The following MYBL1 variants were observed in gnomAD, a reference collection of about 807,000 sequenced individuals.
The protein encoded by MYBL1 is MYB proto-oncogene like 1, also known as myb-related protein A.
A neutral mutation model predicts 96.3 loss-of-function variants in MYBL1; 17 were observed. The observed-to-expected ratio is 0.18, with a 90% CI of 0.12 to 0.26. The LOEUF is 0.26. Ranked by LOEUF, MYBL1 falls within the 10% of genes least tolerant of loss-of-function variation. The pLI is 1.00. For synonymous variants in MYBL1, 282 were observed against 292.7 expected (o/e 0.96, Z 0.37); for missense variants, 701 against 882.9 (o/e 0.79, Z 2.61).
rs1193926942 is a variant in MYBL1 at position 66,563,801 on chromosome 8, T to G, written c.*896A>C. On this transcript the variant is annotated 3_prime_UTR_variant, in exon 16 of 16. Transcript: ENST00000522677. ...GTGCAACATTTAGGTAGATGTGACA[T>G]ACAGTATAGATATTGTATTCTTTGC... 1 of 152,530 alleles carries G rather than the reference T, an allele frequency of 6.6e-6. No homozygotes were observed. The highest frequency in any genetic ancestry group is 1.9e-4 in the East Asian group (1 of 5,206). 9.4% of individuals were successfully genotyped at this position (152,530 alleles called of 1,614,324 possible). A position where few individuals can be genotyped will look rare whatever the true frequency, so the allele number is the denominator to read the frequency against.
intron 6 of MYBL1, among the ~76,000 whole-genome samples, chr8:66,595,143 T>C (rs148702811): frequency 3.6e-4 from 55 of 152,304 alleles, no homozygotes; most frequent in African/African-American, 1.2e-3. Context: ...AAAAGCAAAG[T>C]TGAATGCCAG....
chr8:66,565,206 A>G (rs1355976715), intron 15 of MYBL1: 1 of 152,666 alleles, frequency 6.6e-6, no homozygotes, highest in Non-Finnish European at 1.5e-5. Flanking sequence ...AAAATGAGCC[A>G]AGAATGCTTT....
rs556719391 is a variant in MYBL1 at position 66,566,301 on chromosome 8, G to C, written c.1951-58C>G. 19 of 1,039,134 alleles carry C rather than the reference G, an allele frequency of 1.8e-5. No homozygotes were observed. In the African/African-American group the frequency reaches 2.2e-4, roughly 12 times the overall value. The allele number at this position is 1,039,134 out of a possible 1,614,324, so 64.4% of individuals were successfully genotyped here. ...AATTCAAAAATGGAGACAAATGGAG[G>C]GACTACTGAGTAAGTGGTAATGGAA... On this transcript the variant is annotated intron_variant, in intron 14 of 15. Coordinates refer to ENST00000522677, the MANE Select transcript of MYBL1 (RefSeq NM_001080416.4).
chr8:66,578,184 T>A (rs1245397535), intron 9 of MYBL1, among the ~76,000 whole-genome samples: 1 of 151,812 alleles, frequency 6.6e-6, no homozygotes, highest in African/African-American at 2.4e-5. Context: ...GGACTTCATG[T>A]CTAAAACACC....
At position 66,566,143 on chromosome 8, in the gene MYBL1, G is replaced by T; in HGVS notation, c.2051C>A (p.Thr684Asn). The T allele has an allele frequency of 6.5e-7, 1 of 1,542,150 alleles. No individual in the cohort carries two copies. The highest frequency in any genetic ancestry group is 8.8e-7 in the Non-Finnish European group (1 of 1,138,074). The change falls in exon 15 of 16, where the codon ACC becomes AAC. Residue 684 changes from threonine (T) to asparagine (N), a missense_variant. By Grantham distance (65) the Thr-to-Asn change is moderately conservative. Transcript: ENST00000522677. ...TTTAGTAAGTGTATATGTTTTGTTG[G>T]TTGAATTTATATCTTGTTTTTCAGG... ...LIPEKQDINS[T>N]NKTYTLTKKK...
At chr8:66,577,957 A>C (rs998985793) in intron 9 of MYBL1, among the ~76,000 whole-genome samples, 136 of 152,290 alleles carry the variant, frequency 8.9e-4, no homozygotes, top group Non-Finnish European at 1.5e-3. Flanking sequence ...TTTGACAAAC[A>C]TGAGAAAAAC....
intron 4 of MYBL1, among the ~76,000 whole-genome samples, chr8:66,598,598 G>C (rs1455968065): frequency 6.6e-6 from 1 of 152,082 alleles, no homozygotes; most frequent in Non-Finnish European, 1.5e-5. Context: ...AAAACCTTTG[G>C]AAACATGATG....
intron 1 of MYBL1, among the ~76,000 whole-genome samples, 198 bp from the exon 2 acceptor site, chr8:66,602,721 ATATATATATATATTTT>A (rs1810135467): frequency 2.4e-5 from 1 of 42,550 alleles, no homozygotes; most frequent in African/African-American, 1.2e-4. Flanking sequence ...ATATATATAT[ATATATATATATATTTT>A]TTTTTTTTTT....
At chr8:66,599,225 G>C (rs1809970761) in intron 3 of MYBL1, 83 bp from the exon 4 acceptor site, 1 of 789,014 alleles carries the variant, frequency 1.3e-6, no homozygotes. Context: ...CACATCCTTA[G>C]AACAAAGACT....
chr8:66,612,761 A>G, intron 1 of MYBL1, 58 bp downstream of exon 1: 1 of 1,341,988 alleles, frequency 7.5e-7, no homozygotes, highest in Middle Eastern at 2.0e-4. Flanking sequence ...GCGGGATAGG[A>G]AAGAGAATCT....
chr8:66,603,417 T>G (rs539059970), intron 1 of MYBL1, among the ~76,000 whole-genome samples: 1 of 149,900 alleles, frequency 6.7e-6, no homozygotes, highest in Non-Finnish European at 1.5e-5. Context: ...ACATACAAGA[T>G]AAAGGTACAG....
chr8:66,576,699 C>G (rs1808964756), intron 9 of MYBL1, among the ~76,000 whole-genome samples: 1 of 152,182 alleles, frequency 6.6e-6, no homozygotes, highest in African/African-American at 2.4e-5. Context: ...TTCTACTGCA[C>G]ATCAGGAAGA....
At chr8:66,577,467 T>G (rs1394695693) in intron 9 of MYBL1, among the ~76,000 whole-genome samples, 1 of 151,488 alleles carries the variant, frequency 6.6e-6, no homozygotes, top group Non-Finnish European at 1.5e-5. Context: ...ATGAGTGAAC[T>G]CCCATTCACA....
chr8:66,582,989 T>G (rs1404870196), intron 8 of MYBL1, among the ~76,000 whole-genome samples: 1 of 152,178 alleles, frequency 6.6e-6, no homozygotes, highest in Non-Finnish European at 1.5e-5. Flanking sequence ...ATTGCACATT[T>G]ATACTGAATG....
chr8:66,586,572 G>T (rs1219278164), intron 8 of MYBL1, among the ~76,000 whole-genome samples: 1 of 152,150 alleles, frequency 6.6e-6, no homozygotes, highest in South Asian at 2.1e-4. Context: ...GAACTCTACT[G>T]TTGGAAGGAA....
Position 66,566,141 on chromosome 8 carries a change from T to C in MYBL1, c.2053A>G (p.Asn685Asp), listed in dbSNP as rs201124847. The C allele has an allele frequency of 1.5e-4, 233 of 1,543,150 alleles. 1 individual carries two copies. Among genetic ancestry groups the C allele is most frequent in the Non-Finnish European group, 1.8e-4 (206 of 1,138,792 alleles). The change falls in exon 15 of 16, where the codon AAC becomes GAC. Residue 685 changes from asparagine (N) to aspartate (D), a missense_variant. Physicochemically the swap from Asn to Asp is conservative, Grantham distance 23. Around this residue, in one of 5 missense-constraint regions of MYBL1, gnomAD observed 137 missense variants for 137.5 expected, o/e 1.00. Transcript: ENST00000522677. ...TTTTTAGTAAGTGTATATGTTTTGT[T>C]GGTTGAATTTATATCTTGTTTTTCA... Reference protein sequence around the residue: ...IPEKQDINSTNKTYTLTKKKP... With the variant: ...IPEKQDINSTDKTYTLTKKKP...
chr8:66,563,444 T>G lies in MYBL1; in HGVS notation c.*1253A>C, dbSNP rs1808393012. Reference sequence around the variant, plus strand: ...TTCTTTCAAGAAGAAATAAAATAAGTGCAAACACCTAAAACAGGCAACTGA... The same window carrying G: ...TTCTTTCAAGAAGAAATAAAATAAGGGCAAACACCTAAAACAGGCAACTGA... On this transcript the variant is annotated 3_prime_UTR_variant, in exon 16 of 16. Transcript: ENST00000522677. 1 of 152,484 alleles carries G rather than the reference T, an allele frequency of 6.6e-6. No individual in the cohort carries two copies. The highest frequency in any genetic ancestry group is 1.5e-5 in the Non-Finnish European group (1 of 67,974). 9.4% of individuals were successfully genotyped at this position (152,484 alleles called of 1,614,324 possible).
chr8:66,604,084 G>A (rs1478555531), intron 1 of MYBL1, among the ~76,000 whole-genome samples: 4 of 151,792 alleles, frequency 2.6e-5, no homozygotes, highest in East Asian at 3.9e-4. Context: ...ACTACCACAC[G>A]AACACACACA....
intron 1 of MYBL1, among the ~76,000 whole-genome samples, chr8:66,610,272 A>G (rs1226924846): frequency 1.3e-5 from 2 of 152,080 alleles, no homozygotes; most frequent in African/African-American, 4.8e-5. Context: ...ATTTAAAGTC[A>G]CAATACAAAT....
Sources: allele counts gnomAD v4.1 joint callset (sites outside exome capture counted in the v4.1 genomes callset), GRCh38; gene constraint gnomAD v4.1.1; regional missense constraint gnomAD v4.1.1; transcripts MANE v1.5; gene names NCBI Gene and HGNC (gene_info 2026-07-23, HGNC 2026-07-21).